DCC: variants seen among roughly 807,000 people sequenced by gnomAD.
DCC encodes DCC netrin 1 receptor, also known as netrin receptor DCC.
Under a neutral mutation model 172.5 loss-of-function variants are expected in DCC, and 58 were observed. The ratio of observed to expected loss-of-function variants is 0.34; its 90% CI spans 0.27 to 0.42. The LOEUF (loss-of-function observed/expected upper bound fraction) is 0.42, where lower values mean the gene tolerates loss of function less well. Among genes scored for constraint, DCC ranks in the 10% least tolerant of loss-of-function variants. The pLI, the probability that DCC is intolerant of heterozygous loss-of-function variation, is 1.00. For missense variants in DCC, 1,740 were observed against 1,791.0 expected (o/e 0.97, Z 0.51); for synonymous variants, 709 against 644.5 (o/e 1.10, Z -1.52).
chr18:52,863,602 TTTAGC>T (rs2039177313), intron 2 of DCC, among the ~76,000 whole-genome samples: 1 of 151,894 alleles, frequency 6.6e-6, no homozygotes, highest in East Asian at 1.9e-4. Context: ...CATCATTTAA[TTTAGC>T]TTAAACTCTA....
chr18:53,298,812 A>G (rs2057099709), intron 12 of DCC, among the ~76,000 whole-genome samples: 1 of 152,100 alleles, frequency 6.6e-6, no homozygotes, highest in African/African-American at 2.4e-5. Flanking sequence ...TTTTAAAGAG[A>G]ATAGGAGAAA....
chr18:52,656,361 T>C (rs1271013778), intron 1 of DCC, among the ~76,000 whole-genome samples: 1 of 151,986 alleles, frequency 6.6e-6, no homozygotes, highest in African/African-American at 2.4e-5. Flanking sequence ...TGACTATCTA[T>C]GAACTGGAAA....
intron 1 of DCC, among the ~76,000 whole-genome samples, chr18:52,724,495 C>T (rs2036522872): frequency 6.6e-6 from 1 of 152,054 alleles, no homozygotes. Flanking sequence ...TTTATCTTAC[C>T]TGTACCTATA....
chr18:52,620,313 C>T (rs1199652546), intron 1 of DCC, among the ~76,000 whole-genome samples: 12 of 152,168 alleles, frequency 7.9e-5, no homozygotes, highest in Non-Finnish European at 1.6e-4. Flanking sequence ...AGGAAGGGAG[C>T]TACACTAACT....
intron 2 of DCC, among the ~76,000 whole-genome samples, chr18:52,763,837 G>GT (rs2037200679): frequency 6.6e-6 from 1 of 152,042 alleles, no homozygotes; most frequent in Non-Finnish European, 1.5e-5. Flanking sequence ...CCTGTGGCTT[G>GT]TTTTTTCACT....
chr18:52,815,942 AGGCTACAGATAGT>A (rs2038289089), intron 2 of DCC, among the ~76,000 whole-genome samples: 1 of 151,978 alleles, frequency 6.6e-6, no homozygotes. Context: ...CAACTTTATT[AGGCTACAGATAGT>A]GACCTAACGT....
At chr18:52,672,625 C>A (rs2035573924) in intron 1 of DCC, among the ~76,000 whole-genome samples, 1 of 151,528 alleles carries the variant, frequency 6.6e-6, no homozygotes, top group South Asian at 2.1e-4. Context: ...CCTTCCTTCC[C>A]TCCTTCCCTC....
In DCC at chr18:52,427,990, T is replaced by C. The variant is rs147609237; in HGVS notation, c.91+87112T>C. Among the ~76,000 whole-genome samples, 449 of 152,088 alleles carry C rather than the reference T, an allele frequency of 3.0e-3. 1 individual carries two copies. The highest frequency in any genetic ancestry group is 9.8e-3 in the African/African-American group (405 of 41,490). ...CCAAAGTAGCTCTTGTTCAACAAAG[T>C]CACGTCTCTAGGACCAAATTGTCTT... On this transcript the variant is annotated intron_variant, in intron 1 of 28. Transcript: ENST00000442544.
chr18:52,380,197 C>T (rs1001360508), intron 1 of DCC, among the ~76,000 whole-genome samples: 11 of 152,088 alleles, frequency 7.2e-5, no homozygotes, highest in African/African-American at 2.7e-4. Flanking sequence ...AAAAGCCTAT[C>T]TCTTACTGTC....
chr18:52,973,328 T>G (rs754148496), intron 5 of DCC, among the ~76,000 whole-genome samples: 11 of 152,292 alleles, frequency 7.2e-5, no homozygotes, highest in Non-Finnish European at 1.5e-4. Flanking sequence ...CTAGTGTGAA[T>G]TTTTAAATCA....
intron 22 of DCC, among the ~76,000 whole-genome samples, chr18:53,442,866 C>T (rs1047228513): frequency 6.6e-6 from 1 of 152,206 alleles, no homozygotes; most frequent in African/African-American, 2.4e-5. Flanking sequence ...ACAACATTCC[C>T]TTCAGTCAAA....
chr18:53,199,796 G>A (rs973041362), intron 9 of DCC, among the ~76,000 whole-genome samples: 1 of 151,758 alleles, frequency 6.6e-6, no homozygotes, highest in Non-Finnish European at 1.5e-5. Context: ...CTATTTCAGA[G>A]CACTGATATT....
intron 22 of DCC, among the ~76,000 whole-genome samples, chr18:53,440,532 A>AC (rs1362783766): frequency 1.3e-5 from 2 of 152,060 alleles, no homozygotes; most frequent in Non-Finnish European, 2.9e-5. Flanking sequence ...TAACATTTTA[A>AC]CCAATGTAAA....
chr18:53,035,588 A>G (rs1000172444), intron 5 of DCC, among the ~76,000 whole-genome samples: 1 of 152,124 alleles, frequency 6.6e-6, no homozygotes, highest in Non-Finnish European at 1.5e-5. Flanking sequence ...TTGTCTCTCA[A>G]ATATTATGAG....
chr18:53,446,124 A>AAAAAAAAAAC (rs369426007), intron 22 of DCC, among the ~76,000 whole-genome samples: 7,258 of 116,366 alleles, frequency 0.062, 1,506 homozygotes, highest in Non-Finnish European at 0.099. Context: ...ACAAAAAAAA[A>AAAAAAAAAAC]CACTTAAAAA....
intron 1 of DCC, among the ~76,000 whole-genome samples, chr18:52,494,114 T>C (rs536034532): frequency 2.0e-5 from 3 of 152,258 alleles, no homozygotes; most frequent in Admixed American, 2.0e-4. Context: ...GAATTCTAAG[T>C]TGGAATTTAT....
At chr18:53,517,918 C>T (rs770808999) in intron 27 of DCC, among the ~76,000 whole-genome samples, 24 of 152,030 alleles carry the variant, frequency 1.6e-4, no homozygotes, top group Non-Finnish European at 3.1e-4. Flanking sequence ...TGAGTAAATG[C>T]GGCTACTCTC....
intron 8 of DCC, among the ~76,000 whole-genome samples, chr18:53,167,589 A>ACATTTATTTATG (rs1190180401): frequency 2.0e-5 from 3 of 152,194 alleles, no homozygotes; most frequent in African/African-American, 7.2e-5. Context: ...TTTTAATTTC[A>ACATTTATTTATG]CATTTATTTA....
intron 5 of DCC, among the ~76,000 whole-genome samples, chr18:53,050,935 A>C (rs2042325532): frequency 6.6e-6 from 1 of 152,156 alleles, no homozygotes; most frequent in Non-Finnish European, 1.5e-5. Flanking sequence ...TTCCAAAAAA[A>C]CAAAAACTTT....
Sources: gnomAD v4.1 joint callset for allele counts (sites outside exome capture counted in the v4.1 genomes callset) on GRCh38, gnomAD v4.1.1 for gene constraint, MANE v1.5 for transcripts, NCBI Gene and HGNC (gene_info 2026-07-23, HGNC 2026-07-21) for gene names.